The following KNG1 variants were observed in gnomAD, a reference collection of about 807,000 sequenced individuals.
The protein encoded by KNG1 is kininogen-1.
A neutral mutation model predicts 47.8 loss-of-function variants in KNG1; 23 were observed. The observed-to-expected ratio is 0.48, with a 90% CI of 0.35 to 0.68. KNG1 has a LOEUF of 0.68. Ranked by LOEUF, KNG1 falls within the 30% of genes least tolerant of loss-of-function variation. The probability of loss-of-function intolerance (pLI) is 0.01; values close to 1 mark genes in which losing one functional copy is unlikely to be tolerated. For synonymous variants in KNG1, 277 were observed against 277.0 expected (o/e 1.00, Z 0.00); for missense variants, 762 against 790.2 (o/e 0.96, Z 0.43).
At chr3:186,730,547 T>C (rs1318859177) in intron 5 of KNG1, among the ~76,000 whole-genome samples, 1 of 149,154 alleles carries the variant, frequency 6.7e-6, no homozygotes, top group African/African-American at 2.5e-5. Context: ...TCCCAGACAC[T>C]TGGGAGGCTG....
chr3:186,742,481 G>A lies in KNG1; in HGVS notation c.*150G>A, dbSNP rs1720843179. 13 of 1,475,602 alleles carry A rather than the reference G, an allele frequency of 8.8e-6. No individual in the cohort carries two copies. The South Asian group carries it at 1.8e-4, about 20-fold the overall frequency. 91.4% of individuals were successfully genotyped at this position (1,475,602 alleles called of 1,614,324 possible). On this transcript the variant is annotated 3_prime_UTR_variant, in exon 10 of 10. Coordinates refer to ENST00000644859, the MANE Select transcript of KNG1 (RefSeq NM_001102416.3). ...GAGAAGTGGTGAGACTCCCAGTGGA[G>A]ACACCATCAGTCTCCACGGACTGCA... is the stretch of plus-strand genomic sequence containing the variant.
intron 1 of KNG1, among the ~76,000 whole-genome samples, chr3:186,719,415 AT>A (rs1298327265): frequency 6.6e-6 from 1 of 152,184 alleles, no homozygotes; most frequent in East Asian, 1.9e-4. Context: ...TAAAAGTCAT[AT>A]ACGTTCATTA....
chr3:186,717,789 A>AG (rs761270871), intron 1 of KNG1, 52 bp downstream of exon 1: 5 of 1,321,384 alleles, frequency 3.8e-6, no homozygotes, highest in Non-Finnish European at 5.4e-6. Flanking sequence ...TACTATCACT[A>AG]GGAGTCCAGG....
chr3:186,742,389 C>T lies in KNG1; in HGVS notation c.*58C>T. On this transcript the variant is annotated 3_prime_UTR_variant, in exon 10 of 10. Transcript: ENST00000644859. ...TATTAAAGTATCAATATCCCTCTCT[C>T]CATTGTCCAGATGAAAATATCCTGA... 6.2e-7 allele frequency: 1 copy of T among 1,604,484 alleles called. No homozygotes were observed. Among genetic ancestry groups the T allele is most frequent in the Non-Finnish European group, 8.5e-7 (1 of 1,179,276 alleles).
Position 186,726,274 on chromosome 3 carries a change from C to CTTTTTTTT in KNG1, c.565-950_565-943dup, listed in dbSNP as rs774226752. On this transcript the variant is annotated intron_variant, in intron 4 of 9. Transcript: ENST00000644859. The stretch of plus-strand genomic sequence containing the variant: ...GATTCAGTACACCCAGACTTTTCTT[C>CTTTTTTTT]TTTTTTTTTTTTTTTTTTTTGTTTT... 1.8e-3 allele frequency among the ~76,000 whole-genome samples: 204 copies of CTTTTTTTT among 113,608 alleles called. 3 individuals carry two copies. The highest frequency in any genetic ancestry group is 2.4e-3 in the African/African-American group (78 of 31,940). 74.5% of individuals were successfully genotyped at this position (113,608 alleles called of 152,430 possible).
In KNG1 at chr3:186,742,531, C is replaced by G; in HGVS notation, c.*200C>G. On this transcript the variant is annotated 3_prime_UTR_variant, in exon 10 of 10. Transcript: ENST00000644859. ...ATAAAATTGTGTGCCACAATTCTAA[C>G]TCTTTTCTGAATCTTCTTCCCAAGT... 1 of 1,411,992 alleles carries G rather than the reference C, an allele frequency of 7.1e-7. No individual in the cohort carries two copies. The highest frequency in any genetic ancestry group is 1.4e-5 in the African/African-American group (1 of 69,402). 87.5% of individuals were successfully genotyped at this position (1,411,992 alleles called of 1,614,324 possible).
chr3:186,741,428 A>G (rs1369930315), intron 9 of KNG1, 94 bp from the exon 10 acceptor site: 3 of 1,162,992 alleles, frequency 2.6e-6, no homozygotes, highest in Non-Finnish European at 3.7e-6. Context: ...CCCCATTGTA[A>G]ACTAAGATAA....
rs750033768 is a variant in KNG1 at position 186,743,665 on chromosome 3, A to G, written c.*1334A>G. 6.8e-7 allele frequency: 1 copy of G among 1,470,794 alleles called. No homozygotes were observed. Among genetic ancestry groups the G allele is most frequent in the Admixed American group, 1.7e-5 (1 of 59,754 alleles). The allele number at this position is 1,470,794 out of a possible 1,614,324, so 91.1% of individuals were successfully genotyped here. A position where few individuals can be genotyped will look rare whatever the true frequency, so the allele number is the denominator to read the frequency against. ...TGCTCCACTTTTTAAAAATGATTGA[A>G]TGATAACATCATATTAACTGCGTTT... On this transcript the variant is annotated 3_prime_UTR_variant, in exon 10 of 10. Coordinates refer to ENST00000644859, the MANE Select transcript of KNG1 (RefSeq NM_001102416.3).
chr3:186,730,655 C>CAAAAAAAAAAAAAA (rs869232105), intron 5 of KNG1, among the ~76,000 whole-genome samples: 1 of 80,116 alleles, frequency 1.2e-5, no homozygotes. Context: ...GACTCCATCA[C>CAAAAAAAAAAAAAA]AAAAAAAAAA....
At chr3:186,721,123 A>G (rs1446851653) in intron 2 of KNG1, 5 of 152,170 alleles carry the variant, frequency 3.3e-5, no homozygotes, top group Middle Eastern at 3.4e-3. Context: ...AAGATTTCAG[A>G]CAGTATCTGC....
At chr3:186,730,670 AAAAAAAAAAAAAAATATATATATATAT>A (rs1553792271) in intron 5 of KNG1, among the ~76,000 whole-genome samples, 6,738 of 65,848 alleles carry the variant, frequency 0.1, 147 homozygotes, top group Non-Finnish European at 0.11. Flanking sequence ...AAAAAAAAAA[AAAAAAAAAAAAAAATATATATATATAT>A]ATATATATAT....
intron 2 of KNG1, among the ~76,000 whole-genome samples, chr3:186,720,772 GT>G (rs1720168627): frequency 2.0e-5 from 1 of 50,198 alleles, no homozygotes; most frequent in African/African-American, 9.3e-5. Context: ...ACCATAGCTG[GT>G]TGTTGTTTTG....
At chr3:186,730,655 C>CAAAAAAAA (rs869232105) in intron 5 of KNG1, among the ~76,000 whole-genome samples, 7 of 80,116 alleles carry the variant, frequency 8.7e-5, no homozygotes, top group African/African-American at 3.5e-4. Flanking sequence ...GACTCCATCA[C>CAAAAAAAA]AAAAAAAAAA....
chr3:186,717,415 C>T lies in KNG1; in HGVS notation c.-128C>T. The T allele has an allele frequency of 1.3e-6, 1 of 760,824 alleles. No homozygotes were observed. Among genetic ancestry groups the T allele is most frequent in the South Asian group, 1.5e-5 (1 of 66,418 alleles). 47.1% of individuals were successfully genotyped at this position (760,824 alleles called of 1,614,324 possible). ...CTGGCAGCAGGAATCCAACCAGTGC[C>T]CTGAGTTCTGAGGCAGAGAGGAGGA... is the stretch of plus-strand genomic sequence containing the variant. On this transcript the variant is annotated 5_prime_UTR_variant, in exon 1 of 10. Transcript: ENST00000644859.
At position 186,742,058 on chromosome 3, in the gene KNG1, AG is replaced by A. The variant is rs1296776414; in HGVS notation, c.1664del (p.Gly555ValfsTer2). 3 of 1,613,838 alleles carry A rather than the reference AG, an allele frequency of 1.9e-6. No individual in the cohort carries two copies. The highest frequency in any genetic ancestry group is 2.5e-6 in the Non-Finnish European group (3 of 1,179,826). ...PTPIPSLAKP[G>X]VTVTFSDFQD... ...CACCCATCCCTTCCCTAGCCAAGCC[AG>A]GTGTAACAGTTACCTTTTCTGACTT... On this transcript the variant is annotated frameshift_variant, in exon 10 of 10. Transcript: ENST00000644859. LOFTEE classifies it low-confidence loss of function (END_TRUNC).
intron 1 of KNG1, 48 bp downstream of exon 1, chr3:186,717,785 C>G (rs1211381641): frequency 7.3e-7 from 1 of 1,378,678 alleles, no homozygotes; most frequent in African/African-American, 1.5e-5. Context: ...TTTGTACTAT[C>G]ACTAGGAGTC....
At chr3:186,735,952 T>C (rs1475387040) in intron 7 of KNG1, 1 of 152,202 alleles carries the variant, frequency 6.6e-6, no homozygotes, top group East Asian at 1.9e-4. Context: ...TCCCTTATTC[T>C]TTATTCTGAA....
intron 2 of KNG1, chr3:186,722,216 C>A: frequency 3.9e-6 from 2 of 510,698 alleles, no homozygotes; most frequent in Non-Finnish European, 7.0e-6. Flanking sequence ...TCATCATTTA[C>A]ACTGTCTTTC....
At chr3:186,722,239 A>G (rs561465032) in intron 2 of KNG1, 198 bp from the exon 3 acceptor site, 83 of 577,924 alleles carry the variant, frequency 1.4e-4, no homozygotes, top group East Asian at 6.5e-4. Context: ...CCAGCATCTC[A>G]TGAATATCAG....
Sources: allele counts gnomAD v4.1 joint callset (sites outside exome capture counted in the v4.1 genomes callset), GRCh38; gene constraint gnomAD v4.1.1; transcripts MANE v1.5; gene names NCBI Gene and HGNC (gene_info 2026-07-23, HGNC 2026-07-21).